The following DISP1 variants were observed in gnomAD, a reference collection of about 807,000 sequenced individuals.
DISP1 encodes the protein dispatched RND transporter family member 1, also known as protein dispatched homolog 1.
Under a neutral mutation model 37.3 loss-of-function variants are expected in DISP1, and 30 were observed. The ratio of observed to expected loss-of-function variants is 0.80; its 90% CI spans 0.60 to 1.09. The LOEUF is 1.09. DISP1 is among the 50% of genes least tolerant of loss of function. The pLI is 0.00. For missense variants in DISP1, 1,598 were observed against 1,879.5 expected (o/e 0.85, Z 2.77); for synonymous variants, 634 against 690.2 (o/e 0.92, Z 1.28).
At chr1:222,918,148 G>T (rs1198373298) in intron 1 of DISP1, among the ~76,000 whole-genome samples, 1 of 152,136 alleles carries the variant, frequency 6.6e-6, no homozygotes, top group East Asian at 1.9e-4. Context: ...CTCAAACATT[G>T]AGGACATTCC....
chr1:222,936,820 T>TG (rs1673842965), intron 2 of DISP1, among the ~76,000 whole-genome samples: 1 of 57,882 alleles, frequency 1.7e-5, no homozygotes, highest in African/African-American at 6.9e-5. Flanking sequence ...AAATTATATA[T>TG]AATATATATA....
At chr1:222,931,695 T>C (rs1461693123) in intron 2 of DISP1, among the ~76,000 whole-genome samples, 1 of 151,758 alleles carries the variant, frequency 6.6e-6, no homozygotes, top group African/African-American at 2.4e-5. Flanking sequence ...CTTTTTTTTT[T>C]TTTTTTCCTG....
chr1:222,816,102 TAA>T (rs1427486315), intron 1 of DISP1, among the ~76,000 whole-genome samples: 1 of 142,422 alleles, frequency 7.0e-6, no homozygotes, highest in African/African-American at 2.6e-5. Context: ...TATATATATA[TAA>T]ATATTTGCCA....
At position 222,954,237 on chromosome 1, in the gene DISP1, G is replaced by A. The variant is rs189954317; in HGVS notation, c.509+10905G>A. 1.6e-3 allele frequency among the ~76,000 whole-genome samples: 250 copies of A among 152,200 alleles called. 1 individual carries two copies. Among genetic ancestry groups the A allele is most frequent in the African/African-American group, 5.9e-3 (245 of 41,508 alleles). On this transcript the variant is annotated intron_variant, in intron 3 of 8. Transcript: ENST00000675850. ...TTCAAACTTAAATGGATTGTTAGGT[G>A]TAACTTAAAAGAATTTATAGAACTT...
At chr1:222,897,675 C>T (rs894043898) in intron 1 of DISP1, among the ~76,000 whole-genome samples, 50 of 152,150 alleles carry the variant, frequency 3.3e-4, no homozygotes, top group Middle Eastern at 3.4e-3. Flanking sequence ...TATTTTGCAC[C>T]TAATAGTTGT....
chr1:222,915,764 G>A (rs1311569506), intron 1 of DISP1, among the ~76,000 whole-genome samples: 1 of 152,142 alleles, frequency 6.6e-6, no homozygotes, highest in Non-Finnish European at 1.5e-5. Flanking sequence ...TGTCTCTTCT[G>A]TTTCTTTTTA....
intron 2 of DISP1, among the ~76,000 whole-genome samples, 176 bp downstream of exon 2, chr1:222,928,746 A>C (rs2125453327): frequency 6.6e-6 from 1 of 152,232 alleles, no homozygotes; most frequent in Middle Eastern, 3.4e-3. Flanking sequence ...GCATTTTAAC[A>C]CATTAAAATC....
chr1:222,989,494 A>G (rs777657435), intron 4 of DISP1: 191 of 985,316 alleles, frequency 1.9e-4, no homozygotes, highest in Non-Finnish European at 2.3e-4. Flanking sequence ...ACCTCATGGA[A>G]GGGATACAGA....
In DISP1 at chr1:222,942,988, C is replaced by G; in HGVS notation, c.165C>G (p.Cys55Trp). 1 of 1,614,188 alleles carries G rather than the reference C, an allele frequency of 6.2e-7. No individual in the cohort carries two copies. Residue 55 changes from cysteine (C) to tryptophan (W), a missense_variant, in exon 3 of 9, where the codon TGC becomes TGG. Physicochemically the swap from Cys to Trp is radical, Grantham distance 215. Transcript: ENST00000675850. Reference protein sequence around the residue: ...ATRTKVSPNGCLQLNGTVKSS... With the variant: ...ATRTKVSPNGWLQLNGTVKSS... ...GAACAAAAGTGAGTCCAAATGGATG[C>G]CTGCAACTTAATGGCACGGTCAAAT... is the stretch of plus-strand genomic sequence containing the variant.
intron 3 of DISP1, among the ~76,000 whole-genome samples, chr1:222,947,423 C>T (rs1265894399): frequency 6.6e-6 from 1 of 151,928 alleles, no homozygotes; most frequent in Non-Finnish European, 1.5e-5. Flanking sequence ...TACATTTTAT[C>T]ATTTTATCAA....
intron 1 of DISP1, among the ~76,000 whole-genome samples, chr1:222,890,642 A>C (rs905722419): frequency 6.6e-6 from 1 of 151,994 alleles, no homozygotes; most frequent in Admixed American, 6.5e-5. Context: ...TAGGGCTGCC[A>C]TAACAAGTAT....
intron 1 of DISP1, among the ~76,000 whole-genome samples, chr1:222,836,606 G>A (rs1667105327): frequency 6.6e-6 from 1 of 151,940 alleles, no homozygotes; most frequent in Non-Finnish European, 1.5e-5. Context: ...TGCTTACTAT[G>A]TAAAATGAGA....
chr1:222,888,814 T>TTGTGTG (rs141130475), intron 1 of DISP1, among the ~76,000 whole-genome samples: 11,068 of 150,644 alleles, frequency 0.073, 477 homozygotes, highest in Non-Finnish European at 0.097. Flanking sequence ...GCTTTGTCAG[T>TTGTGTG]TGTGTGTGTG....
intron 2 of DISP1, among the ~76,000 whole-genome samples, chr1:222,929,901 ATGC>A (rs757406714): frequency 1.2e-4 from 19 of 152,108 alleles, no homozygotes; most frequent in Non-Finnish European, 2.1e-4. Context: ...TGTATCTTCT[ATGC>A]TTCATATAGC....
chr1:222,845,713 G>T (rs894786607), intron 1 of DISP1, among the ~76,000 whole-genome samples: 2 of 151,970 alleles, frequency 1.3e-5, no homozygotes, highest in African/African-American at 2.4e-5. Flanking sequence ...TGTGTGTTTT[G>T]GCTCTATCTG....
chr1:222,898,189 A>G (rs1671374317), intron 1 of DISP1, among the ~76,000 whole-genome samples: 1 of 152,168 alleles, frequency 6.6e-6, no homozygotes, highest in Non-Finnish European at 1.5e-5. Context: ...GGATATAAAC[A>G]TTGTTTGGGG....
intron 2 of DISP1, among the ~76,000 whole-genome samples, chr1:222,932,628 G>C (rs552613290): frequency 1.3e-5 from 2 of 152,050 alleles, no homozygotes; most frequent in African/African-American, 2.4e-5. Context: ...AAAGAAATTA[G>C]TGCAGCTTAA....
chr1:222,952,824 C>A (rs1423980468), intron 3 of DISP1, among the ~76,000 whole-genome samples: 2 of 151,930 alleles, frequency 1.3e-5, no homozygotes, highest in East Asian at 1.9e-4. Flanking sequence ...TCCAGCCTGG[C>A]GACAGAGGGA....
chr1:222,967,736 TTGTAAGAAAGATCTATA>T (rs1489864818), intron 3 of DISP1, among the ~76,000 whole-genome samples: 1 of 152,148 alleles, frequency 6.6e-6, no homozygotes, highest in East Asian at 1.9e-4. Flanking sequence ...TGAGTTTGCT[TTGTAAGAAAGATCTATA>T]TGCACAAGGA....
Sources: allele counts gnomAD v4.1 joint callset (sites outside exome capture counted in the v4.1 genomes callset), GRCh38; gene constraint gnomAD v4.1.1; transcripts MANE v1.5; gene names NCBI Gene and HGNC (gene_info 2026-07-23, HGNC 2026-07-21).